Variants in LAIR1 observed in about 807,000 individuals in gnomAD.
LAIR1 encodes leukocyte-associated immunoglobulin-like receptor 1.
In LAIR1, 24 loss-of-function variants were observed where a neutral mutation model predicts 32.8. The ratio of observed to expected loss-of-function variants is 0.73; its 90% confidence interval spans 0.53 to 1.03. LAIR1 has a LOEUF of 1.03. Among genes scored for constraint, LAIR1 ranks in the 50% least tolerant of loss-of-function variants. The pLI, the probability that LAIR1 is intolerant of heterozygous loss-of-function variation, is 0.00. For missense variants in LAIR1, 355 were observed against 347.5 expected, an observed-to-expected ratio of 1.02 and a Z score of -0.17; for synonymous variants, 150 against 140.5, an observed-to-expected ratio of 1.07 and a Z score of -0.48.
upstream of LAIR1, chr19:54,370,626 C>CA (rs2082381191): frequency 4.0e-6 from 1 of 247,284 alleles, no homozygotes; most frequent in South Asian, 1.3e-4. Context: ...CATCACAGCT[C>CA]AAATCCTTAA....
chr19:54,359,616 A>C (rs1339609639), intron 4 of LAIR1, among the ~76,000 whole-genome samples: 1 of 152,268 alleles, frequency 6.6e-6, no homozygotes, highest in Non-Finnish European at 1.5e-5. Context: ...ACAAGGGGGC[A>C]GCGTGGAGCT....
At chr19:54,373,627 C>A (rs2082456833), upstream of LAIR1, among the ~76,000 whole-genome samples, 1 of 151,766 alleles carries the variant, frequency 6.6e-6, no homozygotes, top group South Asian at 2.1e-4. Flanking sequence ...TATTTCACGA[C>A]TATTGTGAGA....
At position 54,364,162 on chromosome 19, in the gene LAIR1, T is replaced by G; in HGVS notation, c.70+133A>C. 2 of 1,080,714 alleles carry G rather than the reference T, an allele frequency of 1.9e-6. No homozygotes were observed. Among genetic ancestry groups the G allele is most frequent in the Admixed American group, 2.2e-5 (1 of 45,370 alleles). The allele number at this position is 1,080,714 out of a possible 1,614,324, so 66.9% of individuals were successfully genotyped here. ...GAGGGTTGGTTATGCATTTTACATT[T>G]GGAAGAGTTTGCAATCTAGGGTATA... On this transcript the variant is annotated intron_variant, in intron 2 of 9. Transcript: ENST00000391742. This position sits in a 1 kb window ranked among gnomAD's most constrained non-coding sequence, Gnocchi z 4.8.
In LAIR1 at chr19:54,364,502, A is replaced by C. The variant is rs2082170679; in HGVS notation, c.35-172T>G. 1 of 812,144 alleles carries C rather than the reference A, an allele frequency of 1.2e-6. No homozygotes were observed. The highest frequency in any genetic ancestry group is 2.7e-5 in the East Asian group (1 of 37,614). The allele number at this position is 812,144 out of a possible 1,614,324, so 50.3% of individuals were successfully genotyped here. On this transcript the variant is annotated intron_variant, in intron 1 of 9. Transcript: ENST00000391742. The surrounding 1 kb of genome is among the most constrained non-coding windows in gnomAD (Gnocchi z 4.8). ...ATCCTTCTTGCTGCAAAATGGTTTC[A>C]AGATAAATCCCAAAGTCTCCTCCTC...
upstream of LAIR1, among the ~76,000 whole-genome samples, chr19:54,369,090 C>T (rs2082341289): frequency 6.6e-6 from 1 of 150,650 alleles, no homozygotes; most frequent in Non-Finnish European, 1.5e-5. Context: ...CATCCAGGTC[C>T]CTCTAATGTT....
At position 54,364,732 on chromosome 19, in the gene LAIR1, G is replaced by A. The variant is rs374166040; in HGVS notation, c.34+39C>T. 6.0e-5 allele frequency: 94 copies of A among 1,560,864 alleles called. 1 individual carries two copies. The highest frequency in any genetic ancestry group is 3.4e-4 in the South Asian group (30 of 89,532). ...GAGCAGGGAATTTTCCAGACCTCCC[G>A]ACCCCCTTTCCAGCCTCCCGGCTGC... On this transcript the variant is annotated intron_variant, in intron 1 of 9. Transcript: ENST00000391742. The surrounding 1 kb of genome is among the most constrained non-coding windows in gnomAD (Gnocchi z 4.8).
upstream of LAIR1, among the ~76,000 whole-genome samples, chr19:54,366,052 G>A (rs948163168): frequency 5.9e-5 from 9 of 152,156 alleles, no homozygotes; most frequent in African/African-American, 1.7e-4. Flanking sequence ...GTCACTTACA[G>A]GAGATCTGCA....
rs1466844557 is a variant in LAIR1, at chr19:54,352,444, C to T, written c.*2824G>A. 1 of 153,792 alleles carries T rather than the reference C, an allele frequency of 6.5e-6. No individual in the cohort carries two copies. The highest frequency in any genetic ancestry group is 1.5e-5 in the Non-Finnish European group (1 of 68,070). 9.5% of individuals were successfully genotyped at this position (153,792 alleles called of 1,614,324 possible). A position where few individuals can be genotyped will look rare whatever the true frequency, so the allele number is the denominator to read the frequency against. ...TTCCCAGATCTCACCACCCTGAGTTCTGGCCCCTGCGTTGGGCGGGTTGGC... is the reference window on the plus strand; with the variant it reads ...TTCCCAGATCTCACCACCCTGAGTTTTGGCCCCTGCGTTGGGCGGGTTGGC... On this transcript the variant is annotated 3_prime_UTR_variant, in exon 10 of 10. Coordinates refer to ENST00000391742, the MANE Select transcript of LAIR1 (RefSeq NM_002287.6).
chr19:54,353,453 C>T lies in LAIR1; in HGVS notation c.*1815G>A, dbSNP rs923340889. On this transcript the variant is annotated 3_prime_UTR_variant, in exon 10 of 10. Coordinates refer to ENST00000391742, the MANE Select transcript of LAIR1 (RefSeq NM_002287.6). Reference sequence around the variant, plus strand: ...CCTCTTTGAACCAGCACAGAAACCTCCCAGCAGACCGAGCTGCAGCCCATC... The same window carrying T: ...CCTCTTTGAACCAGCACAGAAACCTTCCAGCAGACCGAGCTGCAGCCCATC... The T allele has an allele frequency of 6.6e-6, 1 of 152,190 alleles. No homozygotes were observed. Among genetic ancestry groups the T allele is most frequent in the Non-Finnish European group, 1.5e-5 (1 of 68,056 alleles). The allele number at this position is 152,190 out of a possible 1,614,324, so 9.4% of individuals were successfully genotyped here. A position where few individuals can be genotyped will look rare whatever the true frequency, so the allele number is the denominator to read the frequency against.
intron 4 of LAIR1, 22 bp from the exon 5 acceptor site, chr19:54,356,988 G>C: frequency 6.2e-7 from 1 of 1,612,602 alleles, no homozygotes; most frequent in Non-Finnish European, 8.5e-7. Flanking sequence ...GAATCAGAAG[G>C]AGGAGGAGTT....
At chr19:54,362,884 G>A (rs1430117846) in intron 2 of LAIR1, among the ~76,000 whole-genome samples, 1 of 152,110 alleles carries the variant, frequency 6.6e-6, no homozygotes, top group Non-Finnish European at 1.5e-5. Context: ...GAAAGCGAAA[G>A]AACCTGGAGG....
rs1044406916 is a variant in LAIR1, at chr19:54,352,685, G to GCT, written c.*2581_*2582dup. The GCT allele has an allele frequency of 6.5e-6, 1 of 153,518 alleles. No individual in the cohort carries two copies. The highest frequency in any genetic ancestry group is 2.4e-5 in the African/African-American group (1 of 41,418). The allele number at this position is 153,518 out of a possible 1,614,324, so 9.5% of individuals were successfully genotyped here. On this transcript the variant is annotated 3_prime_UTR_variant, in exon 10 of 10. Coordinates refer to ENST00000391742, the MANE Select transcript of LAIR1 (RefSeq NM_002287.6). ...ACTGGCATCTGCTCAGCTCTCCTGT[G>GCT]CTCTGCAAGGGGTAGAAAAATTCAC... is the stretch of plus-strand genomic sequence containing the variant.
chr19:54,365,183 C>A, upstream of LAIR1: 1 of 483,266 alleles, frequency 2.1e-6, no homozygotes, highest in East Asian at 8.2e-5. Context: ...AGCTCTTGGG[C>A]AAGACGTTAC....
In LAIR1 at chr19:54,355,088, T is replaced by C; in HGVS notation, c.*180A>G. 1 of 589,528 alleles carries C rather than the reference T, an allele frequency of 1.7e-6. No homozygotes were observed. The highest frequency in any genetic ancestry group is 3.0e-6 in the Non-Finnish European group (1 of 334,462). The allele number at this position is 589,528 out of a possible 1,614,324, so 36.5% of individuals were successfully genotyped here. A position where few individuals can be genotyped will look rare whatever the true frequency, so the allele number is the denominator to read the frequency against. On this transcript the variant is annotated 3_prime_UTR_variant, in exon 10 of 10. Transcript: ENST00000391742. The surrounding 1 kb of genome is among the most constrained non-coding windows in gnomAD (Gnocchi z 4.7). The stretch of plus-strand genomic sequence containing the variant: ...TCGATTGTAGAAGGGACCACCTGGC[T>C]AACGAACCTTCTGGATGCTGGTTAG...
chr19:54,367,491 C>T (rs1474652652), upstream of LAIR1, among the ~76,000 whole-genome samples: 1 of 152,062 alleles, frequency 6.6e-6, no homozygotes, highest in Non-Finnish European at 1.5e-5. Context: ...CGCCTGTAAT[C>T]TTCTCAGCAT....
chr19:54,364,156 T>A lies in LAIR1; in HGVS notation c.70+139A>T. 2 of 1,057,044 alleles carry A rather than the reference T, an allele frequency of 1.9e-6. No homozygotes were observed. The highest frequency in any genetic ancestry group is 2.5e-5 in the East Asian group (1 of 40,596). The allele number at this position is 1,057,044 out of a possible 1,614,324, so 65.5% of individuals were successfully genotyped here. On this transcript the variant is annotated intron_variant, in intron 2 of 9. Coordinates refer to ENST00000391742, the MANE Select transcript of LAIR1 (RefSeq NM_002287.6). The surrounding 1 kb of genome is among the most constrained non-coding windows in gnomAD (Gnocchi z 4.8). ...CTGGGTGAGGGTTGGTTATGCATTT[T>A]ACATTTGGAAGAGTTTGCAATCTAG...
intron 3 of LAIR1, among the ~76,000 whole-genome samples, chr19:54,360,507 CAGG>C (rs758120784): frequency 2.0e-5 from 3 of 152,132 alleles, no homozygotes; most frequent in Non-Finnish European, 4.4e-5. Context: ...TGAACCACAC[CAGG>C]AGAAGCACAT....
chr19:54,357,589 C>G (rs987831294), intron 4 of LAIR1: 3 of 153,690 alleles, frequency 2.0e-5, no homozygotes, highest in Non-Finnish European at 2.9e-5. Context: ...AGGCTCCCTA[C>G]GCAGCGCATT....
chr19:54,365,414 T>C (rs1489037579), upstream of LAIR1, among the ~76,000 whole-genome samples: 2 of 152,120 alleles, frequency 1.3e-5, no homozygotes, highest in African/African-American at 4.8e-5. Context: ...GGGCAATCAC[T>C]ATAGAGAACA....
Sources: allele counts gnomAD v4.1 joint callset (sites outside exome capture counted in the v4.1 genomes callset), GRCh38; gene constraint gnomAD v4.1.1; non-coding constraint Gnocchi (gnomAD v3.1); transcripts MANE v1.5; gene names NCBI Gene and HGNC (gene_info 2026-07-23, HGNC 2026-07-21).